The following ABCC5 variants were observed in gnomAD, a reference collection of about 807,000 sequenced individuals.
The protein encoded by ABCC5 is ATP binding cassette subfamily C member 5, also known as ATP-binding cassette sub-family C member 5.
ABCC5 carries 61 observed loss-of-function variants against 160.9 expected under a neutral mutation model. That is an observed-to-expected ratio of 0.38 (90% CI 0.31 to 0.47). The LOEUF is 0.47. Ranked by LOEUF, ABCC5 falls within the 20% of genes least tolerant of loss-of-function variation. The probability of loss-of-function intolerance (pLI) is 0.99; values close to 1 mark genes in which losing one functional copy is unlikely to be tolerated. For synonymous variants in ABCC5, 666 were observed against 700.6 expected (o/e 0.95, Z 0.78); for missense variants, 1,308 against 1,813.3 (o/e 0.72, Z 5.06).
intron 26 of ABCC5, 74 bp downstream of exon 26, chr3:183,937,827 T>C: frequency 3.3e-6 from 5 of 1,532,506 alleles, no homozygotes; most frequent in East Asian, 2.3e-5. Context: ...GGGGCGGTGC[T>C]AGCATCATGT....
chr3:183,944,133 C>T lies in ABCC5; in HGVS notation c.3505-1217G>A, dbSNP rs115139100. ...TCAGGCCGGACACTATGGCTCCTGT[C>T]TATAATCCCAGCATTTTGGGAGGTG... On this transcript the variant is annotated intron_variant, in intron 24 of 29. Transcript: ENST00000334444. Among the ~76,000 whole-genome samples, 762 of 152,298 alleles carry T rather than the reference C, an allele frequency of 5.0e-3. 10 individuals are homozygous for T. Among genetic ancestry groups the T allele is most frequent in the African/African-American group, 0.017 (713 of 41,556 alleles).
chr3:183,926,143 T>TTG (rs1491489157), intron 28 of ABCC5, among the ~76,000 whole-genome samples: 2 of 27,146 alleles, frequency 7.4e-5, no homozygotes, highest in African/African-American at 4.5e-4. Flanking sequence ...CAGCCTATTG[T>TTG]TTTTTTTTTT....
chr3:183,963,705 G>T lies in ABCC5; in HGVS notation c.2032-117C>A. The T allele has an allele frequency of 1.1e-6, 1 of 872,144 alleles. No individual in the cohort carries two copies. Among genetic ancestry groups the T allele is most frequent in the Non-Finnish European group, 1.7e-6 (1 of 599,428 alleles). The allele number at this position is 872,144 out of a possible 1,614,324, so 54.0% of individuals were successfully genotyped here. On this transcript the variant is annotated intron_variant, in intron 14 of 29. Transcript: ENST00000334444. This position sits in a 1 kb window ranked among gnomAD's most constrained non-coding sequence, Gnocchi z 4.6. ...GACCAGCTCCTTCTGTCAATTCCCC[G>T]CAGATGAACTGCCATGCTGATTCCC...
At chr3:183,981,538 T>C (rs1718743020) in intron 8 of ABCC5, among the ~76,000 whole-genome samples, 189 bp downstream of exon 8, 1 of 152,200 alleles carries the variant, frequency 6.6e-6, no homozygotes, top group Admixed American at 6.5e-5. Flanking sequence ...TCCTCATCAG[T>C]GAGATGAGGT....
In ABCC5 at chr3:183,942,926, C is replaced by CA; in HGVS notation, c.3505-11dup. The CA allele has an allele frequency of 6.2e-7, 1 of 1,604,086 alleles. No individual in the cohort carries two copies. The highest frequency in any genetic ancestry group is 8.5e-7 in the Non-Finnish European group (1 of 1,174,222). ...CTTCCAAGGACAGAGTCTGGGGAGA[C>CA]AAGGGTGGCCAGTTCAGACTGACCA... On this transcript the variant is annotated splice_polypyrimidine_tract_variant and intron_variant, in intron 24 of 29. Transcript: ENST00000334444.
At chr3:183,954,209 G>C (rs1019258455) in intron 17 of ABCC5, among the ~76,000 whole-genome samples, 6 of 152,058 alleles carry the variant, frequency 3.9e-5, no homozygotes, top group African/African-American at 1.4e-4. Flanking sequence ...GTGCAGTGGC[G>C]TGATCTCAGC....
At chr3:183,939,055 A>G (rs1714027005) in intron 25 of ABCC5, among the ~76,000 whole-genome samples, 1 of 152,238 alleles carries the variant, frequency 6.6e-6, no homozygotes, top group African/African-American at 2.4e-5. Flanking sequence ...TCTCACTTCT[A>G]TCATTTTAGG....
intron 2 of ABCC5, among the ~76,000 whole-genome samples, chr3:184,004,303 G>C (rs1720991826): frequency 6.6e-6 from 1 of 151,520 alleles, no homozygotes; most frequent in Non-Finnish European, 1.5e-5. Flanking sequence ...TTGAGGTCAG[G>C]ACTCGAGACC....
chr3:183,937,574 G>T (rs1713860354), intron 26 of ABCC5, among the ~76,000 whole-genome samples: 1 of 152,190 alleles, frequency 6.6e-6, no homozygotes, highest in Admixed American at 6.5e-5. Flanking sequence ...GGTCTTTAAA[G>T]CATCCCCATC....
intron 1 of ABCC5, among the ~76,000 whole-genome samples, chr3:184,016,188 C>A (rs1180946056): frequency 6.6e-6 from 1 of 152,158 alleles, no homozygotes; most frequent in Non-Finnish European, 1.5e-5. Context: ...TGTTATGACA[C>A]AAATAATGAC....
chr3:183,923,054 G>C (rs1165275605), intron 29 of ABCC5, among the ~76,000 whole-genome samples: 1 of 152,148 alleles, frequency 6.6e-6, no homozygotes, highest in East Asian at 1.9e-4. Context: ...TGTGTGTGCA[G>C]ATGCAAGAAA....
chr3:183,946,429 A>G (rs1162112642), intron 23 of ABCC5, among the ~76,000 whole-genome samples: 1 of 152,090 alleles, frequency 6.6e-6, no homozygotes, highest in African/African-American at 2.4e-5. Flanking sequence ...GTCTTCCCCA[A>G]CCAGTTGTCA....
chr3:183,941,518 A>AG (rs1274788843), intron 25 of ABCC5, among the ~76,000 whole-genome samples: 1 of 151,970 alleles, frequency 6.6e-6, no homozygotes, highest in South Asian at 2.1e-4. Flanking sequence ...AAAAGACAAA[A>AG]GGTTTTTTTT....
chr3:183,942,785 T>C lies in ABCC5; in HGVS notation c.3636A>G (p.Lys1212=). ...YRENLPLVLK[K]VSFTIKPKEK... ...CTTTAGGTTTGATCGTGAAGGATACTTTCTTTAGGACGAGAGGGAGGTTTT... is the reference window on the plus strand; with the variant it reads ...CTTTAGGTTTGATCGTGAAGGATACCTTCTTTAGGACGAGAGGGAGGTTTT... Residue 1212 remains lysine, a synonymous_variant, in exon 25 of 30, where the codon AAA becomes AAG. Coordinates refer to ENST00000334444, the MANE Select transcript of ABCC5 (RefSeq NM_005688.4). 1 of 1,614,182 alleles carries C rather than the reference T, an allele frequency of 6.2e-7. No homozygotes were observed. The highest frequency in any genetic ancestry group is 1.1e-5 in the South Asian group (1 of 91,082).
intron 18 of ABCC5, 139 bp downstream of exon 18, chr3:183,952,947 T>A: frequency 1.9e-6 from 2 of 1,048,956 alleles, no homozygotes; most frequent in South Asian, 3.4e-5. Flanking sequence ...TAGGGACTCA[T>A]CTTTTCATCC....
At chr3:184,014,571 A>G (rs1722038837) in intron 1 of ABCC5, 124 bp from the exon 2 acceptor site, 1 of 456,234 alleles carries the variant, frequency 2.2e-6, no homozygotes, top group Non-Finnish European at 3.4e-6. Flanking sequence ...CTACTGTTAT[A>G]GCTACAAAAA....
intron 2 of ABCC5, among the ~76,000 whole-genome samples, chr3:184,009,468 C>T (rs983768102): frequency 1.3e-4 from 20 of 152,202 alleles, no homozygotes; most frequent in African/African-American, 3.9e-4. Context: ...AGGAATTCTG[C>T]TTCCCAACTA....
chr3:184,010,266 C>CAAAAAAAAAA, intron 2 of ABCC5, among the ~76,000 whole-genome samples: 1 of 74,480 alleles, frequency 1.3e-5, no homozygotes, highest in Non-Finnish European at 2.5e-5. Flanking sequence ...GACTTCGTCT[C>CAAAAAAAAAA]AAAAAAAAAA....
At chr3:184,001,337 A>C in intron 2 of ABCC5, 1 of 437,266 alleles carries the variant, frequency 2.3e-6, no homozygotes. Flanking sequence ...TTAACATATA[A>C]TCAATGTGAA....
Sources: allele counts gnomAD v4.1 joint callset (sites outside exome capture counted in the v4.1 genomes callset), GRCh38; gene constraint gnomAD v4.1.1; non-coding constraint Gnocchi (gnomAD v3.1); transcripts MANE v1.5; gene names NCBI Gene and HGNC (gene_info 2026-07-23, HGNC 2026-07-21).